Variants in NKAIN3 observed in about 807,000 individuals in gnomAD.
NKAIN3 encodes the protein sodium/potassium-transporting ATPase subunit beta-1-interacting protein 3.
In NKAIN3, 25 loss-of-function variants were observed where a neutral mutation model predicts 30.2. The ratio of observed to expected loss-of-function variants is 0.83; its 90% CI spans 0.60 to 1.16. The LOEUF is 1.16. NKAIN3 is among the 50% of genes most tolerant of loss of function. NKAIN3 has a pLI of 0.00. For synonymous variants in NKAIN3, 91 were observed against 89.6 expected (o/e 1.02, Z -0.09); for missense variants, 225 against 254.1 (o/e 0.89, Z 0.78).
intron 3 of NKAIN3, among the ~76,000 whole-genome samples, chr8:62,712,999 T>C (rs2130497895): frequency 6.6e-6 from 1 of 152,290 alleles, no homozygotes; most frequent in East Asian, 1.9e-4. Context: ...AACCTCAGCT[T>C]CTCCAGTGGG....
intron 1 of NKAIN3, among the ~76,000 whole-genome samples, chr8:62,557,950 G>T (rs1011241375): frequency 1.3e-5 from 2 of 152,046 alleles, no homozygotes; most frequent in African/African-American, 4.8e-5. Flanking sequence ...TATTGCATTT[G>T]CTTTTGAGTT....
intron 4 of NKAIN3, among the ~76,000 whole-genome samples, chr8:62,875,687 T>G (rs1231688469): frequency 1.3e-5 from 2 of 152,140 alleles, no homozygotes; most frequent in African/African-American, 4.8e-5. Context: ...TACAACCATC[T>G]GATCTTCGAC....
chr8:62,365,689 A>G (rs1385795404), intron 1 of NKAIN3, among the ~76,000 whole-genome samples: 1 of 152,166 alleles, frequency 6.6e-6, no homozygotes, highest in Non-Finnish European at 1.5e-5. Flanking sequence ...AACTTCACTA[A>G]GTCTGGAGCT....
intron 3 of NKAIN3, among the ~76,000 whole-genome samples, chr8:62,601,484 A>G (rs1810983264): frequency 6.6e-6 from 1 of 152,116 alleles, no homozygotes; most frequent in Non-Finnish European, 1.5e-5. Context: ...AAATGGATCT[A>G]TCTATATCAA....
chr8:62,552,034 T>C (rs959273915), intron 1 of NKAIN3, among the ~76,000 whole-genome samples: 1 of 152,210 alleles, frequency 6.6e-6, no homozygotes, highest in African/African-American at 2.4e-5. Context: ...AGGACATAAT[T>C]CATTTACTAG....
At chr8:62,299,693 CA>C (rs1813975646) in intron 1 of NKAIN3, among the ~76,000 whole-genome samples, 1 of 151,952 alleles carries the variant, frequency 6.6e-6, no homozygotes, top group South Asian at 2.1e-4. Context: ...TGTATTACCC[CA>C]AATTTTTCTG....
intron 4 of NKAIN3, among the ~76,000 whole-genome samples, chr8:62,874,115 A>G (rs1293820373): frequency 6.6e-6 from 1 of 152,122 alleles, no homozygotes; most frequent in African/African-American, 2.4e-5. Flanking sequence ...GAGAGAGAAG[A>G]ATCAAATAGA....
At chr8:62,330,573 A>T (rs1815311213) in intron 1 of NKAIN3, among the ~76,000 whole-genome samples, 1 of 151,990 alleles carries the variant, frequency 6.6e-6, no homozygotes, top group Non-Finnish European at 1.5e-5. Flanking sequence ...TAGTACGGCC[A>T]TCTTGGTGAT....
Position 62,971,929 on chromosome 8 carries a change from G to T in NKAIN3, c.*6522G>T, listed in dbSNP as rs185932357. On this transcript the variant is annotated 3_prime_UTR_variant, in exon 7 of 7. Coordinates refer to ENST00000623646, the MANE Select transcript of NKAIN3 (RefSeq NM_001304533.3). Reference sequence around the variant, plus strand: ...AATCAGTAGCACTACATCCTTCTAGGTTTCCCATAATTTTGCAGACAGGTT... The same window carrying T: ...AATCAGTAGCACTACATCCTTCTAGTTTTCCCATAATTTTGCAGACAGGTT... 5.5e-4 allele frequency among the ~76,000 whole-genome samples: 84 copies of T among 152,210 alleles called. No individual in the cohort carries two copies. The highest frequency in any genetic ancestry group is 1.9e-3 in the South Asian group (9 of 4,822).
At chr8:62,986,499 A>T (rs1461492639), downstream of NKAIN3, among the ~76,000 whole-genome samples, 1 of 152,164 alleles carries the variant, frequency 6.6e-6, no homozygotes, top group Non-Finnish European at 1.5e-5. Context: ...TCAGCCTCTC[A>T]AACATGGTGC....
intron 1 of NKAIN3, among the ~76,000 whole-genome samples, chr8:62,502,701 A>G (rs1450645305): frequency 6.6e-6 from 1 of 152,136 alleles, no homozygotes; most frequent in Non-Finnish European, 1.5e-5. Context: ...ATGATTTGAA[A>G]TTTGTATTGT....
chr8:62,831,122 A>G (rs535494508), intron 4 of NKAIN3, among the ~76,000 whole-genome samples: 9 of 152,286 alleles, frequency 5.9e-5, no homozygotes, highest in Admixed American at 5.9e-4. Flanking sequence ...ACAGCCCAAT[A>G]TAAGACCTGC....
chr8:62,452,269 A>G (rs1284231937), intron 1 of NKAIN3, among the ~76,000 whole-genome samples: 1 of 152,152 alleles, frequency 6.6e-6, no homozygotes, highest in Non-Finnish European at 1.5e-5. Context: ...TGAGGTCAGG[A>G]GTTTGAGACC....
At chr8:62,649,911 T>C (rs1032546253) in intron 3 of NKAIN3, among the ~76,000 whole-genome samples, 1 of 152,152 alleles carries the variant, frequency 6.6e-6, no homozygotes, top group Admixed American at 6.5e-5. Flanking sequence ...GTCCCCGTGA[T>C]AATAGATTTG....
chr8:62,401,013 T>TCTCTCTCTCTCTCTCTCTCTC (rs1803847170), intron 1 of NKAIN3, among the ~76,000 whole-genome samples: 2 of 143,744 alleles, frequency 1.4e-5, no homozygotes, highest in Non-Finnish European at 3.0e-5. Context: ...CTTTCTACCT[T>TCTCTCTCTCTCTCTCTCTCTC]TCTCTCACTC....
At chr8:62,779,886 C>G (rs1378812104) in intron 4 of NKAIN3, among the ~76,000 whole-genome samples, 1 of 151,706 alleles carries the variant, frequency 6.6e-6, no homozygotes, top group African/African-American at 2.4e-5. Context: ...AATAATGCAC[C>G]TCAAGAACCT....
At chr8:62,401,664 C>T (rs908514187) in intron 1 of NKAIN3, among the ~76,000 whole-genome samples, 2 of 152,188 alleles carry the variant, frequency 1.3e-5, no homozygotes, top group African/African-American at 4.8e-5. Context: ...CGCCCAGTAA[C>T]TCGAAGGATC....
chr8:62,605,766 T>A (rs1324843447), intron 3 of NKAIN3, among the ~76,000 whole-genome samples: 1 of 152,128 alleles, frequency 6.6e-6, no homozygotes, highest in East Asian at 1.9e-4. Context: ...TATATTATTT[T>A]ATTTCAGGGA....
chr8:62,788,348 G>A (rs1410476911), intron 4 of NKAIN3, among the ~76,000 whole-genome samples: 2 of 152,154 alleles, frequency 1.3e-5, no homozygotes, highest in African/African-American at 2.4e-5. Context: ...TTTGAGAAGT[G>A]TCTGTTCATA....
Sources: gnomAD v4.1 joint callset for allele counts (sites outside exome capture counted in the v4.1 genomes callset) on GRCh38, gnomAD v4.1.1 for gene constraint, MANE v1.5 for transcripts, NCBI Gene and HGNC (gene_info 2026-07-23, HGNC 2026-07-21) for gene names.